The following ACTN4 variants were observed in gnomAD, a reference collection of about 807,000 sequenced individuals.
ACTN4 encodes actinin alpha 4.
In ACTN4, 18 loss-of-function variants were observed where a neutral mutation model predicts 114.2. The ratio of observed to expected loss-of-function variants is 0.16; its 90% CI spans 0.11 to 0.23. The LOEUF (loss-of-function observed/expected upper bound fraction) is 0.23. Among genes scored for constraint, ACTN4 ranks in the 10% least tolerant of loss-of-function variants. The probability of loss-of-function intolerance (pLI) is 1.00; values close to 1 mark genes in which losing one functional copy is unlikely to be tolerated. For missense variants in ACTN4, 722 were observed against 1,262.9 expected (o/e 0.57, Z 6.49); for synonymous variants, 515 against 506.3 (o/e 1.02, Z -0.23).
intron 1 of ACTN4, among the ~76,000 whole-genome samples, chr19:38,699,095 T>A (rs1323231279): frequency 6.6e-6 from 1 of 151,938 alleles, no homozygotes; most frequent in Non-Finnish European, 1.5e-5. Context: ...ACACTTGGGG[T>A]TTTTCCCAGG....
rs2145093548 is a variant in ACTN4 at position 38,724,460 on chromosome 19, T to C, written c.1905T>C (p.His635=). 1 of 1,613,528 alleles carries C rather than the reference T, an allele frequency of 6.2e-7. No homozygotes were observed. The highest frequency in any genetic ancestry group is 8.5e-7 in the Non-Finnish European group (1 of 1,179,986). The change falls in exon 16 of 21, where the codon CAT becomes CAC. Residue 635 remains histidine (H), a synonymous_variant. Coordinates refer to ENST00000252699, the MANE Select transcript of ACTN4 (RefSeq NM_004924.6). The surrounding 1 kb of genome is among the most constrained non-coding windows in gnomAD (Gnocchi z 7.0). ...KVQQLVPKRD[H]ALLEEQSKQQ... ...AGCAGCTGGTGCCAAAACGGGACCA[T>C]GCCCTCCTGGAGGAGCAGAGCAAGC...
chr19:38,721,790 A>T (rs748727679), intron 12 of ACTN4, 102 bp downstream of exon 12: 2 of 1,537,618 alleles, frequency 1.3e-6, no homozygotes, highest in East Asian at 2.4e-5. Flanking sequence ...CAAGGCCTGG[A>T]ATAGGGTCCC....
intron 1 of ACTN4, among the ~76,000 whole-genome samples, chr19:38,651,789 GCAGTGGTGTGAT>G (rs932400497): frequency 6.7e-4 from 102 of 152,156 alleles, no homozygotes; most frequent in African/African-American, 2.3e-3. Context: ...AGGCTGGAGT[GCAGTGGTGTGAT>G]CTTGGCTCAC....
rs1969271809 is a variant in ACTN4, at chr19:38,727,374, G to A, written c.2337+271G>A. On this transcript the variant is annotated intron_variant, in intron 18 of 20. Coordinates refer to ENST00000252699, the MANE Select transcript of ACTN4 (RefSeq NM_004924.6). This position sits in a 1 kb window ranked among gnomAD's most constrained non-coding sequence, Gnocchi z 5.4. ...CCTCACCACCCCCAGGGCAGATGAA[G>A]TCTCAGCACACCCAGGCTTTGCGAC... Among the ~76,000 whole-genome samples the A allele has an allele frequency of 6.6e-6, 1 of 152,138 alleles. No homozygotes were observed. The highest frequency in any genetic ancestry group is 1.5e-5 in the Non-Finnish European group (1 of 68,004).
chr19:38,667,995 G>A (rs140911248), intron 1 of ACTN4, among the ~76,000 whole-genome samples: 1 of 152,316 alleles, frequency 6.6e-6, no homozygotes, highest in African/African-American at 2.4e-5. Flanking sequence ...GAAGAGCCAG[G>A]CCTGGTTAAG....
At chr19:38,686,394 G>A (rs568279396) in intron 1 of ACTN4, among the ~76,000 whole-genome samples, 1 of 129,696 alleles carries the variant, frequency 7.7e-6, no homozygotes, top group Non-Finnish European at 1.5e-5. Context: ...CCTGAAACCT[G>A]AGCTTAGCTG....
intron 1 of ACTN4, among the ~76,000 whole-genome samples, chr19:38,649,839 A>G (rs1045531264): frequency 6.6e-6 from 1 of 152,154 alleles, no homozygotes; most frequent in Non-Finnish European, 1.5e-5. Flanking sequence ...GGGGCCGGGC[A>G]TAACCTTGGG....
At chr19:38,670,649 G>A (rs960419349) in intron 1 of ACTN4, among the ~76,000 whole-genome samples, 1 of 152,148 alleles carries the variant, frequency 6.6e-6, no homozygotes, top group Non-Finnish European at 1.5e-5. Flanking sequence ...ACCTGGCCGG[G>A]TACAGTGGCT....
At chr19:38,709,596 C>T in intron 7 of ACTN4, 120 bp downstream of exon 7, 1 of 860,636 alleles carries the variant, frequency 1.2e-6, no homozygotes. Flanking sequence ...GGGGAGCTGG[C>T]AGAGCCAGCA....
Position 38,723,954 on chromosome 19 carries a change from G to A in ACTN4, c.1569G>A (p.Leu523=), listed in dbSNP as rs749535439. ...CACACTAGAAAACAGAGAAGCAGCT[G>A]GAGGCCATCGACCAGCTGCACCTGG... ...REALEKTEKQ[L]EAIDQLHLEY... is the part of the protein sequence containing the mutation. Residue 523 remains leucine (L), a synonymous_variant, in exon 14 of 21, where the codon CTG becomes CTA. Transcript: ENST00000252699. 2.5e-6 allele frequency: 4 copies of A among 1,613,168 alleles called. No individual in the cohort carries two copies. Among genetic ancestry groups the A allele is most frequent in the Non-Finnish European group, 3.4e-6 (4 of 1,179,976 alleles).
chr19:38,657,560 C>G (rs1976748558), intron 1 of ACTN4, among the ~76,000 whole-genome samples: 1 of 152,178 alleles, frequency 6.6e-6, no homozygotes, highest in Admixed American at 6.6e-5. Flanking sequence ...ATGACTGATT[C>G]CAGTTCTAAT....
In ACTN4 at chr19:38,730,957, T is replaced by C; in HGVS notation, c.*1525T>C. On this transcript the variant is annotated 3_prime_UTR_variant, in exon 21 of 21. Transcript: ENST00000252699. Reference sequence around the variant, plus strand: ...CCTGAGCCACCCTGTCCCTCCCACCTGGCTCACCTGTCTGTGGGTCAGGCA... The same window carrying C: ...CCTGAGCCACCCTGTCCCTCCCACCCGGCTCACCTGTCTGTGGGTCAGGCA... The C allele has an allele frequency of 6.4e-7, 1 of 1,550,604 alleles. No individual in the cohort carries two copies. The highest frequency in any genetic ancestry group is 1.4e-5 in the African/African-American group (1 of 73,158).
Position 38,725,719 on chromosome 19 carries a change from C to T in ACTN4, c.2011-5C>T, listed in dbSNP as rs372743117. On this transcript the variant is annotated splice_region_variant and splice_polypyrimidine_tract_variant and intron_variant, in intron 16 of 20. Transcript: ENST00000252699. ...TCACCCCACCGCCTGCACCCACCCCCGTAGGAGATCGGGCGCATCTCCATT... is the reference window on the plus strand; with the variant it reads ...TCACCCCACCGCCTGCACCCACCCCTGTAGGAGATCGGGCGCATCTCCATT... The T allele has an allele frequency of 1.3e-4, 213 of 1,613,386 alleles. No homozygotes were observed. The highest frequency in any genetic ancestry group is 1.0e-3 in the African/African-American group (76 of 75,046).
chr19:38,730,302 T>G lies in ACTN4; in HGVS notation c.*870T>G, dbSNP rs1478223644. The G allele has an allele frequency of 6.1e-6, 1 of 163,062 alleles. No homozygotes were observed. Among genetic ancestry groups the G allele is most frequent in the Non-Finnish European group, 1.4e-5 (1 of 74,072 alleles). 10.1% of individuals were successfully genotyped at this position (163,062 alleles called of 1,614,324 possible). ...CTCTCATAATGAAGACATAGCCGAT[T>G]CTCTGCCCGGGCCCCTTGCTGATGC... On this transcript the variant is annotated 3_prime_UTR_variant, in exon 21 of 21. Transcript: ENST00000252699.
At chr19:38,721,297 ATCTC>A (rs1028189027) in intron 11 of ACTN4, among the ~76,000 whole-genome samples, 2 of 152,194 alleles carry the variant, frequency 1.3e-5, no homozygotes, top group Non-Finnish European at 2.9e-5. Flanking sequence ...TTGAGATGGA[ATCTC>A]TCTCTCAGGC....
In ACTN4 at chr19:38,723,608, C is replaced by T; in HGVS notation, c.1443-6C>T. 1 of 1,604,030 alleles carries T rather than the reference C, an allele frequency of 6.2e-7. No individual in the cohort carries two copies. The highest frequency in any genetic ancestry group is 8.5e-7 in the Non-Finnish European group (1 of 1,173,842). On this transcript the variant is annotated splice_region_variant and splice_polypyrimidine_tract_variant and intron_variant, in intron 12 of 20. Transcript: ENST00000252699. ...CGAGTCTCATTGCTCTCTGCCCGGC[C>T]CGCAGCGAGCTGGATTACTACGACT...
At chr19:38,707,904 G>C (rs1968513775) in intron 5 of ACTN4, among the ~76,000 whole-genome samples, 1 of 152,236 alleles carries the variant, frequency 6.6e-6, no homozygotes, top group Non-Finnish European at 1.5e-5. Context: ...AGGTCACACT[G>C]TCAGTAGGCA....
Position 38,727,636 on chromosome 19 carries a change from C to CT in ACTN4, c.2338-310_2338-309insT, listed in dbSNP as rs1277677666. 7.1e-6 allele frequency among the ~76,000 whole-genome samples: 1 copy of CT among 141,296 alleles called. No individual in the cohort carries two copies. Among genetic ancestry groups the CT allele is most frequent in the Non-Finnish European group, 1.6e-5 (1 of 64,354 alleles). The allele number at this position is 141,296 out of a possible 152,430, so 92.7% of individuals were successfully genotyped here. On this transcript the variant is annotated intron_variant, in intron 18 of 20. Coordinates refer to ENST00000252699, the MANE Select transcript of ACTN4 (RefSeq NM_004924.6). This position sits in a 1 kb window ranked among gnomAD's most constrained non-coding sequence, Gnocchi z 5.4. ...CCCAAAGGCAAGGAGAACCCCCCCC[C>CT]CGACCCTCCACCAGTCCTGGGACTT...
At chr19:38,672,943 CTTTTTTT>C (rs35501640) in intron 1 of ACTN4, among the ~76,000 whole-genome samples, 1 of 122,916 alleles carries the variant, frequency 8.1e-6, no homozygotes, top group Admixed American at 8.4e-5. Context: ...GCCATCCATT[CTTTTTTT>C]TTTTTTTTTT....
Sources: gnomAD v4.1 joint callset for allele counts (sites outside exome capture counted in the v4.1 genomes callset) on GRCh38, gnomAD v4.1.1 for gene constraint, Gnocchi (gnomAD v3.1) non-coding constraint, MANE v1.5 for transcripts, NCBI Gene and HGNC (gene_info 2026-07-23, HGNC 2026-07-21) for gene names.